The following MKLN1 variants were observed in gnomAD, a reference collection of about 807,000 sequenced individuals.
MKLN1 encodes muskelin 1, also known as muskelin.
In MKLN1, 18 loss-of-function variants were observed where a neutral mutation model predicts 99.0. That is an observed-to-expected ratio of 0.18 (90% CI 0.13 to 0.27). The LOEUF is 0.27. Among genes scored for constraint, MKLN1 ranks in the 10% least tolerant of loss-of-function variants. MKLN1 has a pLI of 1.00. For synonymous variants in MKLN1, 288 were observed against 293.2 expected, an observed-to-expected ratio of 0.98 and a Z score of 0.18; for missense variants, 621 against 875.9, an observed-to-expected ratio of 0.71 and a Z score of 3.67.
At chr7:131,456,383 A>G (rs1015317445) in intron 12 of MKLN1, among the ~76,000 whole-genome samples, 4 of 152,222 alleles carry the variant, frequency 2.6e-5, no homozygotes, top group Admixed American at 6.5e-5. Context: ...CCCAGAATCA[A>G]CCCAGAGAAA....
At chr7:131,344,778 ATCAATTTG>A (rs1207941713) in intron 1 of MKLN1, among the ~76,000 whole-genome samples, 1 of 152,160 alleles carries the variant, frequency 6.6e-6, no homozygotes, top group Non-Finnish European at 1.5e-5. Context: ...GGAGGACCTA[ATCAATTTG>A]TCAGTTGATG....
chr7:131,194,829 CA>C (rs1796618378), intron 2 of MKLN1, among the ~76,000 whole-genome samples: 1 of 152,214 alleles, frequency 6.6e-6, no homozygotes, highest in African/African-American at 2.4e-5. Context: ...GTCTTAGAAG[CA>C]GGTGCATTCA....
At chr7:131,115,526 C>T (rs1795261256) in intron 1 of MKLN1, among the ~76,000 whole-genome samples, 1 of 152,186 alleles carries the variant, frequency 6.6e-6, no homozygotes, top group Non-Finnish European at 1.5e-5. Context: ...AATCATAAGT[C>T]TTAAGACATA....
chr7:131,201,114 A>C (rs1431476054), intron 2 of MKLN1, among the ~76,000 whole-genome samples: 1 of 152,088 alleles, frequency 6.6e-6, no homozygotes, highest in Non-Finnish European at 1.5e-5. Context: ...TCGCCTCCTG[A>C]ATTCAAGCTA....
intron 3 of MKLN1, among the ~76,000 whole-genome samples, chr7:131,261,621 C>T (rs887650086): frequency 8.5e-5 from 13 of 152,170 alleles, no homozygotes; most frequent in African/African-American, 3.1e-4. Flanking sequence ...AGTACCATTC[C>T]ACCCAGCAAT....
intron 2 of MKLN1, among the ~76,000 whole-genome samples, chr7:131,201,283 G>A (rs1345830587): frequency 6.6e-6 from 1 of 152,174 alleles, no homozygotes; most frequent in Non-Finnish European, 1.5e-5. Context: ...GCCTCCCAAA[G>A]TGCTGGGATT....
At chr7:131,267,531 C>T (rs977590064) in intron 3 of MKLN1, among the ~76,000 whole-genome samples, 1 of 152,058 alleles carries the variant, frequency 6.6e-6, no homozygotes, top group African/African-American at 2.4e-5. Flanking sequence ...AGCTATCTAG[C>T]ATTTACTAGA....
chr7:131,203,544 A>C (rs559500029), intron 3 of MKLN1, among the ~76,000 whole-genome samples: 1 of 152,344 alleles, frequency 6.6e-6, no homozygotes, highest in East Asian at 1.9e-4. Context: ...ATTTGGGAAA[A>C]CATGGTCATA....
chr7:131,219,234 TA>T (rs5887501), intron 3 of MKLN1, among the ~76,000 whole-genome samples: 20 of 150,170 alleles, frequency 1.3e-4, no homozygotes, highest in Admixed American at 4.6e-4. Context: ...TTAAAAATGT[TA>T]AAAAAAAAAA....
At chr7:131,189,787 A>G (rs1796507806) in intron 2 of MKLN1, among the ~76,000 whole-genome samples, 1 of 152,244 alleles carries the variant, frequency 6.6e-6, no homozygotes, top group South Asian at 2.1e-4. Flanking sequence ...CCACCTGTGA[A>G]TGGAAATATC....
At chr7:131,165,967 T>C (rs1426567193) in intron 2 of MKLN1, among the ~76,000 whole-genome samples, 2 of 152,078 alleles carry the variant, frequency 1.3e-5, no homozygotes, top group Non-Finnish European at 2.9e-5. Flanking sequence ...ATACAAATGT[T>C]AGCTGAGAGT....
intron 9 of MKLN1, among the ~76,000 whole-genome samples, chr7:131,434,225 A>G (rs1451280117): frequency 1.3e-5 from 2 of 152,178 alleles, no homozygotes; most frequent in African/African-American, 4.8e-5. Flanking sequence ...TTTCTACACC[A>G]TGAACATGGT....
At chr7:131,391,679 T>C (rs1298046714) in intron 4 of MKLN1, among the ~76,000 whole-genome samples, 2 of 152,222 alleles carry the variant, frequency 1.3e-5, no homozygotes, top group East Asian at 3.8e-4. Flanking sequence ...AGTTACCTTT[T>C]GTATAAAATG....
At chr7:131,374,786 A>G (rs887662399) in intron 1 of MKLN1, among the ~76,000 whole-genome samples, 8 of 152,156 alleles carry the variant, frequency 5.3e-5, no homozygotes, top group Non-Finnish European at 1.0e-4. Context: ...ATATATGTAT[A>G]AAAAATATAT....
intron 2 of MKLN1, among the ~76,000 whole-genome samples, chr7:131,163,972 A>C (rs1796088698): frequency 6.6e-6 from 1 of 152,154 alleles, no homozygotes; most frequent in Non-Finnish European, 1.5e-5. Context: ...TTGGGAAGGC[A>C]GGGGGAGGAT....
At chr7:131,321,347 G>A (rs1798771582) in intron 3 of MKLN1, among the ~76,000 whole-genome samples, 1 of 152,164 alleles carries the variant, frequency 6.6e-6, no homozygotes, top group African/African-American at 2.4e-5. Flanking sequence ...AACACCACAT[G>A]TTCTCACTAA....
intron 3 of MKLN1, among the ~76,000 whole-genome samples, chr7:131,236,372 T>A (rs1797320904): frequency 6.6e-6 from 1 of 152,030 alleles, no homozygotes; most frequent in Non-Finnish European, 1.5e-5. Flanking sequence ...GCTAAAAAAG[T>A]GATGGAGGCC....
At chr7:131,147,616 A>T (rs754222531) in intron 2 of MKLN1, among the ~76,000 whole-genome samples, 2 of 152,194 alleles carry the variant, frequency 1.3e-5, no homozygotes, top group Non-Finnish European at 2.9e-5. Context: ...CATCATCACC[A>T]TTTTATAAAT....
At chr7:131,240,801 C>G (rs1322331887) in intron 3 of MKLN1, among the ~76,000 whole-genome samples, 1 of 152,062 alleles carries the variant, frequency 6.6e-6, no homozygotes, top group East Asian at 1.9e-4. Context: ...AAAGAACTAG[C>G]TAAAAGCTAA....
Sources: allele counts gnomAD v4.1 joint callset (sites outside exome capture counted in the v4.1 genomes callset), GRCh38; gene constraint gnomAD v4.1.1; transcripts MANE v1.5; gene names NCBI Gene and HGNC (gene_info 2026-07-23, HGNC 2026-07-21).